The following SPRED2 variants were observed in gnomAD, a reference collection of about 807,000 sequenced individuals.
SPRED2 encodes sprouty-related, EVH1 domain-containing protein 2.
In SPRED2, 47 loss-of-function variants were observed where a neutral mutation model predicts 43.0. That is an observed-to-expected ratio of 1.09 (90% CI 0.87 to 1.40). The LOEUF (loss-of-function observed/expected upper bound fraction) is 1.40. Among genes scored for constraint, SPRED2 ranks in the 40% most tolerant of loss-of-function variants. SPRED2 has a pLI of 0.00. For missense variants in SPRED2, 561 were observed against 586.4 expected, an observed-to-expected ratio of 0.96 and a Z score of 0.45; for synonymous variants, 225 against 225.7, an observed-to-expected ratio of 1.00 and a Z score of 0.03.
At chr2:65,385,338 T>C (rs1274161343) in intron 1 of SPRED2, among the ~76,000 whole-genome samples, 1 of 152,086 alleles carries the variant, frequency 6.6e-6, no homozygotes, top group Non-Finnish European at 1.5e-5. Context: ...AAAGGAAAAA[T>C]TAAAAATTTC....
chr2:65,359,777 A>G (rs1272559469), intron 1 of SPRED2, among the ~76,000 whole-genome samples: 2 of 152,078 alleles, frequency 1.3e-5, no homozygotes, highest in East Asian at 1.9e-4. Context: ...AAAATGCAAA[A>G]AATTGGGCCA....
chr2:65,366,519 G>C, intron 1 of SPRED2: 1 of 1,477,720 alleles, frequency 6.8e-7, no homozygotes, highest in South Asian at 1.2e-5. Context: ...AATGCTAAAA[G>C]CAGGCACCAG....
intron 1 of SPRED2, among the ~76,000 whole-genome samples, chr2:65,424,179 G>C (rs1020020247): frequency 6.6e-6 from 1 of 151,966 alleles, no homozygotes; most frequent in Non-Finnish European, 1.5e-5. Flanking sequence ...TACTTAGCAG[G>C]GTCCCTTAGT....
At chr2:65,357,528 C>T (rs1674689186) in intron 1 of SPRED2, among the ~76,000 whole-genome samples, 1 of 152,180 alleles carries the variant, frequency 6.6e-6, no homozygotes, top group African/African-American at 2.4e-5. Context: ...TGTGACAACC[C>T]CCGATCACAC....
At chr2:65,391,087 C>CAAA (rs572027285) in intron 1 of SPRED2, among the ~76,000 whole-genome samples, 2 of 127,196 alleles carry the variant, frequency 1.6e-5, no homozygotes, top group African/African-American at 6.0e-5. Flanking sequence ...GACTCCATCT[C>CAAA]AAAAAAAAAA....
chr2:65,327,694 G>T (rs927820940), intron 4 of SPRED2, among the ~76,000 whole-genome samples: 17 of 136,138 alleles, frequency 1.2e-4, no homozygotes, highest in Middle Eastern at 3.5e-3. Context: ...AAACATCTTT[G>T]CTTTTCTTTT....
intron 1 of SPRED2, among the ~76,000 whole-genome samples, chr2:65,370,447 A>C (rs1675097019): frequency 6.6e-6 from 1 of 152,218 alleles, no homozygotes; most frequent in Non-Finnish European, 1.5e-5. Flanking sequence ...CTACAAAGGC[A>C]GGACTGAGCA....
chr2:65,310,300 A>C (rs1015254376), downstream of SPRED2, among the ~76,000 whole-genome samples: 2 of 151,934 alleles, frequency 1.3e-5, no homozygotes, highest in Non-Finnish European at 2.9e-5. Context: ...CCCTCAGAAG[A>C]CCTCATACTT....
At chr2:65,427,229 A>G (rs553965355) in intron 1 of SPRED2, among the ~76,000 whole-genome samples, 44 of 151,604 alleles carry the variant, frequency 2.9e-4, no homozygotes, top group African/African-American at 9.3e-4. Context: ...GCGCTACCAC[A>G]CGCGGCTAAT....
chr2:65,413,335 G>A (rs898443691), intron 1 of SPRED2, among the ~76,000 whole-genome samples: 21 of 152,174 alleles, frequency 1.4e-4, no homozygotes, highest in African/African-American at 4.6e-4. Flanking sequence ...AGACTGCACA[G>A]GGAGGCCAGC....
At chr2:65,401,928 C>T (rs866430594) in intron 1 of SPRED2, among the ~76,000 whole-genome samples, 24 of 101,244 alleles carry the variant, frequency 2.4e-4, no homozygotes, top group Admixed American at 7.2e-4. Context: ...AGAATATTAG[C>T]GCGCGCGCGC....
intron 1 of SPRED2, among the ~76,000 whole-genome samples, chr2:65,356,536 C>CTTTTTTTTTTTTTTTTTTTTT (rs1274369940): frequency 1.7e-5 from 1 of 60,584 alleles, no homozygotes; most frequent in African/African-American, 5.0e-5. Flanking sequence ...CCAGTTCCCT[C>CTTTTTTTTTTTTTTTTTTTTT]TTTTTTTTTT....
chr2:65,336,026 C>T (rs1673956869), intron 2 of SPRED2, among the ~76,000 whole-genome samples: 1 of 152,150 alleles, frequency 6.6e-6, no homozygotes, highest in South Asian at 2.1e-4. Context: ...TAGAGAATAT[C>T]TTTAAATAAG....
At chr2:65,394,597 C>T (rs1401056095) in intron 1 of SPRED2, among the ~76,000 whole-genome samples, 1 of 152,174 alleles carries the variant, frequency 6.6e-6, no homozygotes, top group African/African-American at 2.4e-5. Flanking sequence ...TGCCCTGCCC[C>T]CTCCCTGGTG....
chr2:65,335,910 AATCTTGTTCTGGC>A lies in SPRED2; in HGVS notation c.205-1150_205-1138del, dbSNP rs1185384659. On this transcript the variant is annotated intron_variant, in intron 2 of 5. Coordinates refer to ENST00000356388, the MANE Select transcript of SPRED2 (RefSeq NM_181784.3). ...TGATTTTGCTAAGTTTTAATAGCCC[AATCTTGTTCTGGC>A]AAAGATCTGCATTTACCGCAATGTG... 1.8e-3 allele frequency among the ~76,000 whole-genome samples: 274 copies of A among 152,370 alleles called. 2 individuals carry two copies. In the East Asian group the frequency reaches 0.029, roughly 16 times the overall value.
chr2:65,380,683 A>G (rs542525701), intron 1 of SPRED2: 1 of 152,278 alleles, frequency 6.6e-6, no homozygotes, highest in South Asian at 2.1e-4. Context: ...GAGTTCCACA[A>G]AGGCTTCTGA....
intron 4 of SPRED2, among the ~76,000 whole-genome samples, chr2:65,330,788 C>T (rs957736122): frequency 5.3e-5 from 8 of 152,086 alleles, no homozygotes; most frequent in East Asian, 1.9e-4. Context: ...TGCTAAAGTA[C>T]GAGAGGTGAC....
chr2:65,422,104 A>ACACACACACACACACACT lies in SPRED2; in HGVS notation c.26+9857_26+9858insAGTGTGTGTGTGTGTGTG, dbSNP rs1299857849. ...CACACACACACACACACACACACAC[A>ACACACACACACACACACT]CTCTCTCTCTCTCTCTCTCTCTCTC... is the stretch of plus-strand genomic sequence containing the variant. On this transcript the variant is annotated intron_variant, in intron 1 of 5. Coordinates refer to ENST00000356388, the MANE Select transcript of SPRED2 (RefSeq NM_181784.3). Among the ~76,000 whole-genome samples the ACACACACACACACACACT allele has an allele frequency of 5.4e-3, 697 of 128,974 alleles. 2 individuals carry two copies. The highest frequency in any genetic ancestry group is 0.016 in the African/African-American group (535 of 34,462). 84.6% of individuals were successfully genotyped at this position (128,974 alleles called of 152,430 possible). A position where few individuals can be genotyped will look rare whatever the true frequency, so the allele number is the denominator to read the frequency against.
chr2:65,334,242 C>T, intron 3 of SPRED2: 1 of 474,084 alleles, frequency 2.1e-6, no homozygotes, highest in Non-Finnish European at 4.4e-6. Flanking sequence ...GCCTTCTGGG[C>T]CCGCCAGAAT....
Sources: allele counts gnomAD v4.1 joint callset (sites outside exome capture counted in the v4.1 genomes callset), GRCh38; gene constraint gnomAD v4.1.1; transcripts MANE v1.5; gene names NCBI Gene and HGNC (gene_info 2026-07-23, HGNC 2026-07-21).